CACNB2: variants seen among roughly 807,000 people sequenced by gnomAD.
CACNB2 encodes the protein calcium voltage-gated channel auxiliary subunit beta 2, also known as voltage-dependent L-type calcium channel subunit beta-2.
A neutral mutation model predicts 73.3 loss-of-function variants in CACNB2; 42 were observed. The observed-to-expected ratio is 0.57, with a 90% CI of 0.45 to 0.74. The LOEUF is 0.74. Ranked by LOEUF, CACNB2 falls within the 30% of genes least tolerant of loss-of-function variation. CACNB2 has a pLI of 0.00. For synonymous variants in CACNB2, 348 were observed against 310.3 expected (o/e 1.12, Z -1.28); for missense variants, 940 against 853.0 (o/e 1.10, Z -1.27).
intron 3 of CACNB2, among the ~76,000 whole-genome samples, chr10:18,409,901 A>C (rs1272272219): frequency 6.6e-6 from 1 of 151,806 alleles, no homozygotes; most frequent in East Asian, 1.9e-4. Context: ...TCAGTATGTC[A>C]CTCGCCTTTA....
At chr10:18,432,281 A>G (rs1054374584) in intron 3 of CACNB2, among the ~76,000 whole-genome samples, 1 of 152,172 alleles carries the variant, frequency 6.6e-6, no homozygotes, top group Non-Finnish European at 1.5e-5. Flanking sequence ...TGTGACAACA[A>G]ATCTGTCACC....
At chr10:18,224,695 A>T (rs2035922250) in intron 2 of CACNB2, among the ~76,000 whole-genome samples, 1 of 152,154 alleles carries the variant, frequency 6.6e-6, no homozygotes, top group East Asian at 1.9e-4. Context: ...ACGTCCCACA[A>T]CCATGACCAG....
At chr10:18,288,003 T>G (rs2038878572) in intron 2 of CACNB2, among the ~76,000 whole-genome samples, 1 of 152,186 alleles carries the variant, frequency 6.6e-6, no homozygotes, top group African/African-American at 2.4e-5. Flanking sequence ...TCCAATCACG[T>G]GCTGTCTTCT....
intron 12 of CACNB2, among the ~76,000 whole-genome samples, chr10:18,537,735 C>G (rs1464418487): frequency 3.3e-5 from 5 of 152,076 alleles, no homozygotes; most frequent in Admixed American, 2.6e-4. Context: ...CAAGATCAGG[C>G]CACTGCACTC....
intron 3 of CACNB2, among the ~76,000 whole-genome samples, chr10:18,443,580 C>T (rs2046582684): frequency 6.6e-6 from 1 of 152,148 alleles, no homozygotes; most frequent in Non-Finnish European, 1.5e-5. Flanking sequence ...GTAATTTGAG[C>T]AAATATTGTT....
chr10:18,422,901 TTGG>T (rs1268011229), intron 3 of CACNB2, among the ~76,000 whole-genome samples: 3 of 152,238 alleles, frequency 2.0e-5, no homozygotes, highest in Non-Finnish European at 2.9e-5. Flanking sequence ...TTTCACTATG[TTGG>T]TCAAGCTGGT....
At chr10:18,450,143 G>A (rs2046945730) in intron 3 of CACNB2, among the ~76,000 whole-genome samples, 1 of 152,220 alleles carries the variant, frequency 6.6e-6, no homozygotes, top group South Asian at 2.1e-4. Context: ...TTAATGTGCA[G>A]TTCCAACCAG....
At chr10:18,399,534 G>T (rs552066330) in intron 2 of CACNB2, among the ~76,000 whole-genome samples, 37 of 152,094 alleles carry the variant, frequency 2.4e-4, no homozygotes, top group African/African-American at 1.9e-4. Context: ...AGGGAGGAAG[G>T]GTAGAAGGGA....
At chr10:18,521,878 A>G (rs896340145) in intron 9 of CACNB2, among the ~76,000 whole-genome samples, 2 of 152,194 alleles carry the variant, frequency 1.3e-5, no homozygotes, top group African/African-American at 4.8e-5. Context: ...CAATGCAACT[A>G]CAATAGATCA....
chr10:18,410,769 C>G (rs1184133552), intron 3 of CACNB2, among the ~76,000 whole-genome samples: 2 of 152,040 alleles, frequency 1.3e-5, no homozygotes, highest in Non-Finnish European at 2.9e-5. Context: ...ATCACAAGGT[C>G]AGGAGTTTGA....
chr10:18,232,992 C>T (rs573321164), intron 2 of CACNB2, among the ~76,000 whole-genome samples: 16 of 152,192 alleles, frequency 1.1e-4, no homozygotes, highest in South Asian at 6.2e-4. Flanking sequence ...GAGGCTGAAG[C>T]GGGAGGATCT....
intron 2 of CACNB2, among the ~76,000 whole-genome samples, chr10:18,355,812 A>G (rs1412215270): frequency 1.3e-5 from 2 of 150,902 alleles, no homozygotes; most frequent in African/African-American, 4.9e-5. Flanking sequence ...ATTTTTTTGT[A>G]TTTTTAGTGG....
intron 2 of CACNB2, among the ~76,000 whole-genome samples, chr10:18,328,455 A>G (rs2040670154): frequency 6.6e-6 from 1 of 152,204 alleles, no homozygotes; most frequent in South Asian, 2.1e-4. Flanking sequence ...CCACTTAGGT[A>G]TCATACTCAT....
chr10:18,532,688 A>C (rs972370258), intron 10 of CACNB2, among the ~76,000 whole-genome samples: 4 of 58,838 alleles, frequency 6.8e-5, no homozygotes, highest in South Asian at 5.4e-4. Context: ...AAAAAAAAAA[A>C]AAAAAAAACA....
intron 2 of CACNB2, among the ~76,000 whole-genome samples, chr10:18,340,343 C>T (rs972974023): frequency 8.5e-5 from 13 of 152,266 alleles, no homozygotes; most frequent in African/African-American, 2.9e-4. Flanking sequence ...ACACTGAGAA[C>T]TTGAAAGGCA....
chr10:18,315,096 C>A (rs2040109858), intron 2 of CACNB2, among the ~76,000 whole-genome samples: 2 of 152,064 alleles, frequency 1.3e-5, no homozygotes, highest in African/African-American at 2.4e-5. Context: ...CTTTGGGAGG[C>A]CAACGCCGGC....
intron 2 of CACNB2, among the ~76,000 whole-genome samples, chr10:18,166,277 A>C (rs1294998417): frequency 6.6e-6 from 1 of 151,710 alleles, no homozygotes; most frequent in Non-Finnish European, 1.5e-5. Context: ...TTTTTTTTTG[A>C]GACAGACTGT....
chr10:18,235,598 C>A (rs989650097), intron 2 of CACNB2, among the ~76,000 whole-genome samples: 4 of 152,150 alleles, frequency 2.6e-5, no homozygotes, highest in Non-Finnish European at 4.4e-5. Context: ...GGACGTGGTA[C>A]AAAGTGGTTG....
intron 2 of CACNB2, among the ~76,000 whole-genome samples, chr10:18,381,683 C>G (rs1390195974): frequency 7.2e-6 from 1 of 138,468 alleles, no homozygotes; most frequent in East Asian, 2.1e-4. Context: ...AGTGAGACTC[C>G]GTCTCAAAAA....
Sources: allele counts gnomAD v4.1 joint callset (sites outside exome capture counted in the v4.1 genomes callset), GRCh38; gene constraint gnomAD v4.1.1; transcripts MANE v1.5; gene names NCBI Gene and HGNC (gene_info 2026-07-23, HGNC 2026-07-21).